The following EML1 variants were observed in gnomAD, a reference collection of about 807,000 sequenced individuals.
The protein encoded by EML1 is echinoderm microtubule-associated protein-like 1.
In EML1, 27 loss-of-function variants were observed where a neutral mutation model predicts 110.4. That is an observed-to-expected ratio of 0.24 (90% confidence interval 0.18 to 0.34). EML1 has a LOEUF of 0.34. Ranked by LOEUF, EML1 falls within the 10% of genes least tolerant of loss-of-function variation. EML1 has a pLI of 1.00. For synonymous variants in EML1, 344 were observed against 385.8 expected (o/e 0.89, Z 1.27); for missense variants, 741 against 1,030.9 (o/e 0.72, Z 3.85).
At position 99,939,435 on chromosome 14, in the gene EML1, A is replaced by G. The variant is rs1055214758; in HGVS notation, c.2322+108A>G. 2.2e-5 allele frequency: 33 copies of G among 1,514,840 alleles called. No individual in the cohort carries two copies. The East Asian group carries it at 3.9e-4, about 18-fold the overall frequency. 93.8% of individuals were successfully genotyped at this position (1,514,840 alleles called of 1,614,324 possible). ...GGGCTGTGAGCGACTGCTGCCAGCC[A>G]CAAAGGCAGATGTGACTCTGTTCTT... is the stretch of plus-strand genomic sequence containing the variant. On this transcript the variant is annotated intron_variant, in intron 21 of 21. Coordinates refer to ENST00000262233, the MANE Select transcript of EML1 (RefSeq NM_004434.3). The surrounding 1 kb of genome is among the most constrained non-coding windows in gnomAD (Gnocchi z 4.2).
At position 99,928,643 on chromosome 14, in the gene EML1, C is replaced by A. The variant is rs188193869; in HGVS notation, c.1910-7386C>A. Among the ~76,000 whole-genome samples the A allele has an allele frequency of 5.9e-5, 9 of 152,272 alleles. No individual in the cohort carries two copies. In the East Asian group the frequency reaches 1.7e-3, roughly 29 times the overall value. On this transcript the variant is annotated intron_variant, in intron 17 of 21. Transcript: ENST00000262233. ...ACTGGAGTTTTGGTTCTGGGAAATA[C>A]GTGGCTGACTCTGAGCTGCTGGTCT...
chr14:99,892,652 G>A (rs1356231647), intron 5 of EML1, among the ~76,000 whole-genome samples: 1 of 152,174 alleles, frequency 6.6e-6, no homozygotes, highest in South Asian at 2.1e-4. Flanking sequence ...ACAGTGCCAA[G>A]GCTGACTTCA....
At chr14:99,750,362 T>TG (rs985260099) in intron 1 of EML1, among the ~76,000 whole-genome samples, 11 of 152,010 alleles carry the variant, frequency 7.2e-5, no homozygotes, top group African/African-American at 2.7e-4. Context: ...TGGGGGCAGG[T>TG]GGGGGTCCCA....
intron 1 of EML1, among the ~76,000 whole-genome samples, chr14:99,826,707 G>A (rs1371755271): frequency 2.0e-5 from 3 of 149,808 alleles, no homozygotes; most frequent in African/African-American, 5.0e-5. Context: ...TTGCTTCTTG[G>A]GAAAAAAAAA....
intron 1 of EML1, among the ~76,000 whole-genome samples, chr14:99,767,948 C>T (rs1304462873): frequency 6.6e-6 from 1 of 152,208 alleles, no homozygotes; most frequent in African/African-American, 2.4e-5. Flanking sequence ...CACAACTATA[C>T]TCAGAGCTGG....
intron 1 of EML1, among the ~76,000 whole-genome samples, chr14:99,817,724 A>G (rs979313973): frequency 6.6e-6 from 1 of 152,160 alleles, no homozygotes; most frequent in Middle Eastern, 3.2e-3. Context: ...GTGTTGTGCT[A>G]GGTGCTGGGG....
intron 1 of EML1, among the ~76,000 whole-genome samples, chr14:99,824,917 C>T (rs890404276): frequency 6.6e-6 from 1 of 152,162 alleles, no homozygotes; most frequent in African/African-American, 2.4e-5. Context: ...ATAGTGGATT[C>T]CAGTTCCATC....
At position 99,850,992 on chromosome 14, in the gene EML1, T is replaced by C. The variant is rs377629941; in HGVS notation, c.207T>C (p.Thr69=). 1.0e-4 allele frequency: 166 copies of C among 1,614,002 alleles called. No homozygotes were observed. The highest frequency in any genetic ancestry group is 7.9e-5 in the Non-Finnish European group (93 of 1,180,000). ...ATGTGGTTCGGCGGCTGAACATTAC[T>C]GAGGAACAGCAGGCCGTGCTTAACA... The part of the protein sequence containing the change: ...LADVVRRLNI[T]EEQQAVLNRK... The change falls in exon 2 of 22, where the codon ACT becomes ACC. Residue 69 remains threonine, a synonymous_variant. Transcript: ENST00000262233.
intron 1 of EML1, chr14:99,850,293 T>C (rs1302743053): frequency 7.8e-7 from 1 of 1,288,520 alleles, no homozygotes; most frequent in Admixed American, 2.3e-5. Context: ...CACGGAGAGG[T>C]TTATAGACCC....
chr14:99,745,208 T>C (rs1330738450), intron 1 of EML1, among the ~76,000 whole-genome samples: 1 of 152,110 alleles, frequency 6.6e-6, no homozygotes, highest in Non-Finnish European at 1.5e-5. Flanking sequence ...TGGGACTACA[T>C]GCATGCGCCA....
At chr14:99,907,480 G>A in intron 9 of EML1, 158 bp from the exon 10 acceptor site, 1 of 663,484 alleles carries the variant, frequency 1.5e-6, no homozygotes, top group Non-Finnish European at 2.5e-6. Flanking sequence ...GAAAAAGAAA[G>A]AAAGAAAGAA....
chr14:99,817,749 G>A (rs1325709264), intron 1 of EML1, among the ~76,000 whole-genome samples: 1 of 152,116 alleles, frequency 6.6e-6, no homozygotes, highest in Non-Finnish European at 1.5e-5. Context: ...TCAGATGAAC[G>A]GCACAGTCCC....
intron 1 of EML1, among the ~76,000 whole-genome samples, chr14:99,798,580 TG>T: frequency 6.6e-6 from 1 of 152,056 alleles, no homozygotes; most frequent in East Asian, 1.9e-4. Flanking sequence ...TTAGTAGAAA[TG>T]GGGTTTCACC....
chr14:99,745,158 C>A (rs141703023), intron 1 of EML1, among the ~76,000 whole-genome samples: 1 of 152,076 alleles, frequency 6.6e-6, no homozygotes, highest in Non-Finnish European at 1.5e-5. Flanking sequence ...CTCTGCCTCC[C>A]GGGTTTAAGC....
chr14:99,933,281 T>C (rs2060406933), intron 17 of EML1, among the ~76,000 whole-genome samples: 1 of 152,200 alleles, frequency 6.6e-6, no homozygotes, highest in Non-Finnish European at 1.5e-5. Context: ...GTTCAAGTGA[T>C]TCTCCAGCCT....
chr14:99,938,994 TCTC>T (rs1419330608), intron 20 of EML1, among the ~76,000 whole-genome samples, 200 bp from the exon 21 acceptor site: 1 of 152,078 alleles, frequency 6.6e-6, no homozygotes, highest in Non-Finnish European at 1.5e-5. Flanking sequence ...CATCAGAGGG[TCTC>T]CGAGACTGGC....
At position 99,850,958 on chromosome 14, in the gene EML1, C is replaced by A. The variant is rs777004379; in HGVS notation, c.173C>A (p.Ala58Asp). 20 of 1,614,096 alleles carry A rather than the reference C, an allele frequency of 1.2e-5. No homozygotes were observed. The highest frequency in any genetic ancestry group is 1.7e-5 in the Non-Finnish European group (20 of 1,180,056). ...GACGACATCCAGCTGCTCAAATCAG[C>A]TCTAGCTGATGTGGTTCGGCGGCTG... is the stretch of plus-strand genomic sequence containing the variant. ...QEDDIQLLKS[A>D]LADVVRRLNI... Residue 58 changes from alanine (A) to aspartate (D), a missense_variant, in exon 2 of 22, where the codon GCT (alanine) becomes GAT (aspartate). By Grantham distance (126) the Ala-to-Asp change is moderately radical. This residue lies in a region of EML1 where 226 missense variants were observed against 255.6 expected (regional missense o/e 0.88). Coordinates refer to ENST00000262233, the MANE Select transcript of EML1 (RefSeq NM_004434.3).
chr14:99,844,472 T>C (rs1014178288), intron 1 of EML1, among the ~76,000 whole-genome samples: 1 of 85,556 alleles, frequency 1.2e-5, no homozygotes, highest in African/African-American at 4.2e-5. Context: ...GAGTGAGACT[T>C]TGTCAAAAAA....
chr14:99,767,900 A>C (rs530275512), intron 1 of EML1, among the ~76,000 whole-genome samples: 1 of 151,122 alleles, frequency 6.6e-6, no homozygotes, highest in African/African-American at 2.5e-5. Context: ...TTTGTCTTAT[A>C]TTTATTCTGA....
Sources: allele counts gnomAD v4.1 joint callset (sites outside exome capture counted in the v4.1 genomes callset), GRCh38; gene constraint gnomAD v4.1.1; regional missense constraint gnomAD v4.1.1; non-coding constraint Gnocchi (gnomAD v3.1); transcripts MANE v1.5; gene names NCBI Gene and HGNC (gene_info 2026-07-23, HGNC 2026-07-21).